Variants in PREP observed in about 807,000 individuals in gnomAD.
PREP encodes the protein prolyl endopeptidase.
PREP carries 29 observed loss-of-function variants against 87.6 expected under a neutral mutation model. The ratio of observed to expected loss-of-function variants is 0.33; its 90% CI spans 0.25 to 0.45. The LOEUF (loss-of-function observed/expected upper bound fraction) is 0.45, where lower values mean the gene tolerates loss of function less well. Ranked by LOEUF, PREP falls within the 20% of genes least tolerant of loss-of-function variation. The pLI is 1.00. For missense variants in PREP, 695 were observed against 886.5 expected (o/e 0.78, Z 2.74); for synonymous variants, 337 against 328.6 (o/e 1.03, Z -0.28).
At chr6:105,335,802 A>C (rs1215415639) in intron 7 of PREP, among the ~76,000 whole-genome samples, 2 of 152,086 alleles carry the variant, frequency 1.3e-5, no homozygotes, top group East Asian at 3.9e-4. Flanking sequence ...CTGAGGCAGG[A>C]GAATGGCGTG....
chr6:105,388,834 T>C (rs138547388), intron 2 of PREP, among the ~76,000 whole-genome samples: 1 of 152,270 alleles, frequency 6.6e-6, no homozygotes, highest in East Asian at 1.9e-4. Flanking sequence ...GGGTAGAAGG[T>C]GTCTCACAGG....
chr6:105,383,123 A>G (rs1772890742), intron 2 of PREP, among the ~76,000 whole-genome samples: 9 of 152,216 alleles, frequency 5.9e-5, no homozygotes. Flanking sequence ...AGGACAGTCA[A>G]GGTAGGTCAT....
In PREP at chr6:105,275,955, C is replaced by A. The variant is rs1035312323; in HGVS notation, c.*2189G>T. On this transcript the variant is annotated 3_prime_UTR_variant, in exon 15 of 15. Transcript: ENST00000652536. ...TTTGAAAGAAGACCTAGTGTTAGAT[C>A]AGTAGGGTGTCTATAGTTTACAATA... Among the ~76,000 whole-genome samples the A allele has an allele frequency of 2.0e-5, 3 of 152,150 alleles. No individual in the cohort carries two copies. The highest frequency in any genetic ancestry group is 2.9e-5 in the Non-Finnish European group (2 of 68,008).
intron 4 of PREP, 142 bp from the exon 5 acceptor site, chr6:105,373,720 C>A: frequency 2.3e-6 from 2 of 854,248 alleles, no homozygotes; most frequent in Non-Finnish European, 3.6e-6. Flanking sequence ...AGTGAGGAAT[C>A]CCGGGGGCTC....
Position 105,375,978 on chromosome 6 carries a change from A to G in PREP, c.385+147T>C, listed in dbSNP as rs1288048962. ...TGTATTCTAAATATACTGTGCAAAA[A>G]TTAGCTTTCCTGATATTGTATGTGC... On this transcript the variant is annotated intron_variant, in intron 4 of 14. Coordinates refer to ENST00000652536, the MANE Select transcript of PREP (RefSeq NM_002726.5). 7 of 928,116 alleles carry G rather than the reference A, an allele frequency of 7.5e-6. No homozygotes were observed. The East Asian group carries it at 1.9e-4, about 26-fold the overall frequency. 57.5% of individuals were successfully genotyped at this position (928,116 alleles called of 1,614,324 possible).
In PREP at chr6:105,319,893, T is replaced by C. The variant is rs1202000493; in HGVS notation, c.1317+3772A>G. Among the ~76,000 whole-genome samples the C allele has an allele frequency of 2.6e-5, 4 of 152,224 alleles. No homozygotes were observed. The East Asian group carries it at 5.8e-4, about 22-fold the overall frequency. ...TTCACATCTGTATGTTTCAACTTTC[T>C]AGTCAGGGGCAGTGCTTATGTCTGG... is the stretch of plus-strand genomic sequence containing the variant. On this transcript the variant is annotated intron_variant, in intron 10 of 14. Transcript: ENST00000652536.
intron 10 of PREP, among the ~76,000 whole-genome samples, chr6:105,304,102 T>C (rs1217592500): frequency 6.6e-6 from 1 of 152,146 alleles, no homozygotes; most frequent in Admixed American, 6.5e-5. Flanking sequence ...CAATTGTGGA[T>C]TGAAAAATTT....
At chr6:105,335,450 G>A (rs932127101) in intron 7 of PREP, among the ~76,000 whole-genome samples, 3 of 152,214 alleles carry the variant, frequency 2.0e-5, no homozygotes, top group African/African-American at 7.2e-5. Flanking sequence ...ACTTAACAGG[G>A]AAATAAATTC....
chr6:105,402,691 C>G (rs1441029083), intron 1 of PREP, among the ~76,000 whole-genome samples, 156 bp downstream of exon 1: 1 of 152,176 alleles, frequency 6.6e-6, no homozygotes, highest in Non-Finnish European at 1.5e-5. Context: ...AGAGGAGCCC[C>G]GCGCCCCCGG....
At chr6:105,307,196 T>C (rs186170200) in intron 10 of PREP, among the ~76,000 whole-genome samples, 292 of 152,322 alleles carry the variant, frequency 1.9e-3, no homozygotes, top group African/African-American at 6.8e-3. Context: ...GCTTTTCTAA[T>C]ATCATGTTTT....
At chr6:105,318,854 T>G (rs1387710732) in intron 10 of PREP, among the ~76,000 whole-genome samples, 2 of 152,218 alleles carry the variant, frequency 1.3e-5, no homozygotes, top group Non-Finnish European at 2.9e-5. Flanking sequence ...CGTTCACTAG[T>G]CAGCTCACCA....
intron 7 of PREP, among the ~76,000 whole-genome samples, chr6:105,346,282 CAA>C (rs1226336312): frequency 3.3e-5 from 5 of 152,216 alleles, no homozygotes; most frequent in African/African-American, 9.6e-5. Context: ...CAGGCAAGAA[CAA>C]AAGAGTCAGT....
chr6:105,280,042 T>TAGTAA (rs1045377275), intron 14 of PREP, among the ~76,000 whole-genome samples: 37 of 152,336 alleles, frequency 2.4e-4, no homozygotes, highest in African/African-American at 7.0e-4. Context: ...GAATAGAGTT[T>TAGTAA]AGTAAAGTAT....
chr6:105,291,003 C>T (rs1355504603), intron 10 of PREP, among the ~76,000 whole-genome samples: 4 of 152,150 alleles, frequency 2.6e-5, no homozygotes, highest in Non-Finnish European at 5.9e-5. Context: ...GCAAGTGATA[C>T]AAATTTTTTG....
chr6:105,323,822 G>GGGGCAA (rs1771080598), intron 9 of PREP, 54 bp from the exon 10 acceptor site: 1 of 1,445,472 alleles, frequency 6.9e-7, no homozygotes, highest in African/African-American at 1.4e-5. Context: ...AGATTCAAAG[G>GGGGCAA]GGGCAAGGAT....
chr6:105,326,107 T>C (rs1771151080), intron 9 of PREP, among the ~76,000 whole-genome samples: 1 of 152,194 alleles, frequency 6.6e-6, no homozygotes, highest in South Asian at 2.1e-4. Flanking sequence ...TGATTTTAGG[T>C]TGGGTTTTAA....
chr6:105,374,540 T>C (rs550604960), intron 4 of PREP, among the ~76,000 whole-genome samples: 1 of 151,366 alleles, frequency 6.6e-6, no homozygotes, highest in South Asian at 2.1e-4. Context: ...TAGGCTCATA[T>C]GTATGTAAAT....
rs181144714 is a variant in PREP, at chr6:105,332,793, C to T, written c.1015+521G>A. Among the ~76,000 whole-genome samples, 475 of 152,224 alleles carry T rather than the reference C, an allele frequency of 3.1e-3. 2 individuals carry two copies. The highest frequency in any genetic ancestry group is 7.1e-3 in the African/African-American group (294 of 41,538). Reference sequence around the variant, plus strand: ...TGAAACACGACTGATACGGAAGTGACGTTCTCAAGAGGTTAATGTAGTTCA... The same window carrying T: ...TGAAACACGACTGATACGGAAGTGATGTTCTCAAGAGGTTAATGTAGTTCA... On this transcript the variant is annotated intron_variant, in intron 8 of 14. Coordinates refer to ENST00000652536, the MANE Select transcript of PREP (RefSeq NM_002726.5).
chr6:105,290,845 G>A (rs150861671), intron 10 of PREP, among the ~76,000 whole-genome samples: 49 of 152,230 alleles, frequency 3.2e-4, no homozygotes, highest in East Asian at 7.7e-4. Flanking sequence ...TTTTGAAAGC[G>A]GTCCAAAATG....
Sources: gnomAD v4.1 joint callset for allele counts (sites outside exome capture counted in the v4.1 genomes callset) on GRCh38, gnomAD v4.1.1 for gene constraint, MANE v1.5 for transcripts, NCBI Gene and HGNC (gene_info 2026-07-23, HGNC 2026-07-21) for gene names.